PAPPA2: variants seen among roughly 807,000 people sequenced by gnomAD.
PAPPA2 encodes pappalysin-2.
PAPPA2 carries 86 observed loss-of-function variants against 176.4 expected under a neutral mutation model. The ratio of observed to expected loss-of-function variants is 0.49; its 90% CI spans 0.41 to 0.58. PAPPA2 has a LOEUF of 0.58. Ranked by LOEUF, PAPPA2 falls within the 20% of genes least tolerant of loss-of-function variation. PAPPA2 has a pLI of 0.00. For synonymous variants in PAPPA2, 809 were observed against 852.2 expected, an observed-to-expected ratio of 0.95 and a Z score of 0.88; for missense variants, 2,073 against 2,256.9, an observed-to-expected ratio of 0.92 and a Z score of 1.65.
Position 176,663,298 on chromosome 1 carries a change from A to G in PAPPA2, c.1992-7672A>G, listed in dbSNP as rs143153342. ...GTAAGTGTGCTTTCTTCCTTTCTGC[A>G]TTGTGGCATTGCCTCCATTCTGTTG... On this transcript the variant is annotated intron_variant, in intron 3 of 22. Coordinates refer to ENST00000367662, the MANE Select transcript of PAPPA2 (RefSeq NM_020318.3). 3.0e-3 allele frequency among the ~76,000 whole-genome samples: 460 copies of G among 152,252 alleles called. 4 individuals carry two copies. Among genetic ancestry groups the G allele is most frequent in the African/African-American group, 0.011 (447 of 41,550 alleles).
intron 2 of PAPPA2, among the ~76,000 whole-genome samples, chr1:176,558,170 C>A (rs1316895529): frequency 6.6e-6 from 1 of 152,142 alleles, no homozygotes; most frequent in Non-Finnish European, 1.5e-5. Flanking sequence ...CATGACAGAA[C>A]CTAACACAAA....
chr1:176,745,819 G>A (rs954010183), intron 14 of PAPPA2, among the ~76,000 whole-genome samples: 1 of 152,180 alleles, frequency 6.6e-6, no homozygotes, highest in Non-Finnish European at 1.5e-5. Flanking sequence ...AATGGAATGG[G>A]GCTGGTAGTC....
intron 1 of PAPPA2, among the ~76,000 whole-genome samples, chr1:176,547,933 T>G (rs1290874388): frequency 6.6e-6 from 1 of 152,198 alleles, no homozygotes; most frequent in African/African-American, 2.4e-5. Flanking sequence ...CACAGCTACA[T>G]GTAACATGTA....
intron 4 of PAPPA2, among the ~76,000 whole-genome samples, chr1:176,677,333 GT>G (rs1659353363): frequency 1.3e-5 from 2 of 152,276 alleles, no homozygotes; most frequent in South Asian, 4.1e-4. Context: ...TAGCCTGGAA[GT>G]TTGAAGACTG....
At chr1:176,679,311 T>A (rs952625330) in intron 4 of PAPPA2, among the ~76,000 whole-genome samples, 13 of 152,026 alleles carry the variant, frequency 8.6e-5, no homozygotes, top group Admixed American at 2.6e-4. Flanking sequence ...GTTTCTCTAG[T>A]TTGAATGACT....
intron 3 of PAPPA2, among the ~76,000 whole-genome samples, chr1:176,661,103 C>G (rs996076967): frequency 6.6e-6 from 1 of 152,088 alleles, no homozygotes; most frequent in Admixed American, 6.5e-5. Context: ...CTTCAGTCAG[C>G]TAGCACTTGC....
In PAPPA2 at chr1:176,692,180, A is replaced by G; in HGVS notation, c.2486A>G (p.Tyr829Cys). The change falls in exon 6 of 23, where the codon TAT becomes TGT. Residue 829 changes from tyrosine (Y) to cysteine (C), a missense_variant. By Grantham distance (194) the Tyr-to-Cys change is radical. Transcript: ENST00000367662. Reference protein sequence around the residue: ...TPNQVARMHCYLDLVYQQWTE... With the variant: ...TPNQVARMHCCLDLVYQQWTE... ...AACCAAGTGGCCCGAATGCATTGCT[A>G]TTTGGACCTAGTCTATCAGCAGTGG... is the stretch of plus-strand genomic sequence containing the variant. The G allele has an allele frequency of 6.2e-7, 1 of 1,614,022 alleles. No individual in the cohort carries two copies. The highest frequency in any genetic ancestry group is 8.5e-7 in the Non-Finnish European group (1 of 1,179,952).
intron 3 of PAPPA2, among the ~76,000 whole-genome samples, chr1:176,666,606 T>TGAGAGA (rs1236696077): frequency 8.3e-5 from 10 of 120,116 alleles, no homozygotes; most frequent in African/African-American, 2.7e-4. Flanking sequence ...TGTGTGTGTG[T>TGAGAGA]GTGAGAGAGA....
intron 4 of PAPPA2, among the ~76,000 whole-genome samples, chr1:176,687,220 T>A (rs1251234078): frequency 6.6e-6 from 1 of 152,202 alleles, no homozygotes; most frequent in Non-Finnish European, 1.5e-5. Context: ...TAAAATTATG[T>A]TTTTAGTGAA....
chr1:176,521,224 C>T (rs1163146456), intron 1 of PAPPA2, among the ~76,000 whole-genome samples: 2 of 152,080 alleles, frequency 1.3e-5, no homozygotes, highest in South Asian at 2.1e-4. Context: ...AGTTTATTTT[C>T]CTTCCTCTTG....
rs1012755290 is a variant in PAPPA2, at chr1:176,845,087, G to A, written c.*2633G>A. On this transcript the variant is annotated 3_prime_UTR_variant, in exon 23 of 23. Transcript: ENST00000367662. ...GATGTTTTGAGCAACTCAGGTCACT[G>A]ATAAAGTGGAAGGACTAAGACACTG... The A allele has an allele frequency of 1.3e-5, 2 of 152,100 alleles. No homozygotes were observed. Among genetic ancestry groups the A allele is most frequent in the Non-Finnish European group, 2.9e-5 (2 of 68,010 alleles). The allele number at this position is 152,100 out of a possible 1,614,324, so 9.4% of individuals were successfully genotyped here. A position where few individuals can be genotyped will look rare whatever the true frequency, so the allele number is the denominator to read the frequency against.
chr1:176,731,732 CATATACATGCGTACAT>C (rs1662164705), intron 12 of PAPPA2, among the ~76,000 whole-genome samples: 8 of 149,556 alleles, frequency 5.3e-5, no homozygotes, highest in African/African-American at 1.8e-4. Context: ...TATATGTGTA[CATATACATGCGTACAT>C]ATATATACGC....
At chr1:176,534,919 A>G (rs893891937) in intron 1 of PAPPA2, among the ~76,000 whole-genome samples, 2 of 152,194 alleles carry the variant, frequency 1.3e-5, no homozygotes, top group Non-Finnish European at 2.9e-5. Flanking sequence ...AACTACACTC[A>G]AATCCTTTGC....
At position 176,690,373 on chromosome 1, in the gene PAPPA2, A is replaced by G. The variant is rs1660055002; in HGVS notation, c.2374A>G (p.Thr792Ala). 6.2e-7 allele frequency: 1 copy of G among 1,614,012 alleles called. No individual in the cohort carries two copies. Among genetic ancestry groups the G allele is most frequent in the African/African-American group, 1.3e-5 (1 of 74,906 alleles). The change falls in exon 5 of 23, where the codon ACC becomes GCC. Residue 792 changes from threonine to alanine, a missense_variant. Physicochemically the swap from Thr to Ala is moderately conservative, Grantham distance 58 (BLOSUM62 0). Transcript: ENST00000367662. ...CCGGGAACCAGAGCCCACTAGTGAC[A>G]CCTGTGGCTTCACTCGCTTCCCAGG... Reference protein sequence around the residue: ...LCREPEPTSDTCGFTRFPGAP... With the variant: ...LCREPEPTSDACGFTRFPGAP...
intron 14 of PAPPA2, among the ~76,000 whole-genome samples, chr1:176,744,788 T>A (rs1344513269): frequency 6.6e-6 from 1 of 152,252 alleles, no homozygotes; most frequent in East Asian, 1.9e-4. Context: ...TTTCCAATGA[T>A]GTTTCTCAAT....
rs111806822 is a variant in PAPPA2, at chr1:176,801,105, GCACACACACA to G, written c.5202+983_5202+992del. ...AGGAGATGCTTACACACACACACAC[GCACACACACA>G]CACACACACCATTTAAGCCCTCCCA... On this transcript the variant is annotated intron_variant, in intron 21 of 22. Coordinates refer to ENST00000367662, the MANE Select transcript of PAPPA2 (RefSeq NM_020318.3). Among the ~76,000 whole-genome samples, 4 of 148,962 alleles carry G rather than the reference GCACACACACA, an allele frequency of 2.7e-5. No homozygotes were observed. The South Asian group carries it at 8.5e-4, about 32-fold the overall frequency.
intron 12 of PAPPA2, among the ~76,000 whole-genome samples, chr1:176,715,295 G>A (rs1286584045): frequency 1.3e-5 from 2 of 152,142 alleles, no homozygotes; most frequent in African/African-American, 2.4e-5. Flanking sequence ...ACTTGTGTTC[G>A]AAAAATCTGT....
chr1:176,470,261 T>A (rs1651810891), intron 1 of PAPPA2, among the ~76,000 whole-genome samples: 1 of 152,182 alleles, frequency 6.6e-6, no homozygotes, highest in Non-Finnish European at 1.5e-5. Flanking sequence ...AATAAGCAAC[T>A]TGGGCTAACT....
chr1:176,540,198 T>C (rs1650295034), intron 1 of PAPPA2, among the ~76,000 whole-genome samples: 1 of 152,230 alleles, frequency 6.6e-6, no homozygotes, highest in Non-Finnish European at 1.5e-5. Context: ...GCAGGGTCAT[T>C]GGGTAGAAAG....
Sources: allele counts gnomAD v4.1 joint callset (sites outside exome capture counted in the v4.1 genomes callset), GRCh38; gene constraint gnomAD v4.1.1; transcripts MANE v1.5; gene names NCBI Gene and HGNC (gene_info 2026-07-23, HGNC 2026-07-21).